Variants in GPATCH8 observed in about 807,000 individuals in gnomAD.
The protein encoded by GPATCH8 is G-patch domain containing 8.
A neutral mutation model predicts 118.3 loss-of-function variants in GPATCH8; 18 were observed. That is an observed-to-expected ratio of 0.15 (90% confidence interval 0.11 to 0.23). The LOEUF (loss-of-function observed/expected upper bound fraction) is 0.23, where lower values mean the gene tolerates loss of function less well. Among genes scored for constraint, GPATCH8 ranks in the 10% least tolerant of loss-of-function variants. The probability of loss-of-function intolerance (pLI) is 1.00; values close to 1 mark genes in which losing one functional copy is unlikely to be tolerated. For synonymous variants in GPATCH8, 659 were observed against 684.7 expected (o/e 0.96, Z 0.59); for missense variants, 1,631 against 1,873.8 (o/e 0.87, Z 2.39).
Position 44,398,895 on chromosome 17 carries a change from G to C in GPATCH8, c.3182C>G (p.Thr1061Arg). The C allele has an allele frequency of 6.2e-7, 1 of 1,614,086 alleles. No individual in the cohort carries two copies. The highest frequency in any genetic ancestry group is 8.5e-7 in the Non-Finnish European group (1 of 1,179,940). Reference sequence around the variant, plus strand: ...GTTGCTGTTCTGGGAAGGTGGACCTGTTGCTTTACTGTCATCTCCTCTGCC... The same window carrying C: ...GTTGCTGTTCTGGGAAGGTGGACCTCTTGCTTTACTGTCATCTCCTCTGCC... ...DDGRGDDSKA[T>R]GPPSQNSNIG... Residue 1061 changes from threonine (T) to arginine (R), a missense_variant, in exon 8 of 8, where the codon ACA becomes AGA. By Grantham distance (71) the Thr-to-Arg change is moderately conservative. This residue lies in a region of GPATCH8 where 922 missense variants were observed against 879.7 expected (regional missense o/e 1.05). Transcript: ENST00000591680.
rs555833739 is a variant in GPATCH8 at position 44,491,468 on chromosome 17, C to T, written c.45+11858G>A. Among the ~76,000 whole-genome samples, 7 of 127,506 alleles carry T rather than the reference C, an allele frequency of 5.5e-5. No homozygotes were observed. The South Asian group carries it at 1.4e-3, about 26-fold the overall frequency. 83.6% of individuals were successfully genotyped at this position (127,506 alleles called of 152,430 possible). On this transcript the variant is annotated intron_variant, in intron 1 of 7. Transcript: ENST00000591680. ...GCGCCACTGCACTCCAGCCTGGTGA[C>T]AGAGCGAGACTCCGTCTCAAAAAAA...
chr17:44,431,647 C>G (rs576664037), intron 5 of GPATCH8, among the ~76,000 whole-genome samples: 1 of 151,814 alleles, frequency 6.6e-6, no homozygotes, highest in Non-Finnish European at 1.5e-5. Flanking sequence ...AGACTATATA[C>G]AAGTAAAACT....
chr17:44,410,623 G>A (rs1248816219), intron 6 of GPATCH8, among the ~76,000 whole-genome samples: 1 of 152,130 alleles, frequency 6.6e-6, no homozygotes. Flanking sequence ...CACATTTTTA[G>A]TTGGGAAATA....
intron 5 of GPATCH8, among the ~76,000 whole-genome samples, chr17:44,429,354 G>A (rs1281933587): frequency 6.6e-6 from 1 of 152,060 alleles, no homozygotes; most frequent in Non-Finnish European, 1.5e-5. Context: ...AGAGGCTAAA[G>A]TATATTGCTT....
chr17:44,495,563 G>A (rs903204618), intron 1 of GPATCH8, among the ~76,000 whole-genome samples: 9 of 152,054 alleles, frequency 5.9e-5, no homozygotes, highest in African/African-American at 1.4e-4. Flanking sequence ...CAAACTACCC[G>A]CACAGAAATA....
chr17:44,487,772 A>C (rs1448859018), intron 1 of GPATCH8, among the ~76,000 whole-genome samples: 1 of 152,184 alleles, frequency 6.6e-6, no homozygotes, highest in Non-Finnish European at 1.5e-5. Context: ...CATTGTGATG[A>C]GACTACATTT....
At chr17:44,492,394 A>C (rs1393660303) in intron 1 of GPATCH8, among the ~76,000 whole-genome samples, 2 of 147,436 alleles carry the variant, frequency 1.4e-5, no homozygotes, top group East Asian at 3.9e-4. Flanking sequence ...TGGCTAACAC[A>C]GTGAAACCCT....
intron 2 of GPATCH8, chr17:44,465,854 T>C (rs1378007447): frequency 6.6e-6 from 1 of 152,218 alleles, no homozygotes; most frequent in Non-Finnish European, 1.5e-5. Context: ...GAAAAACATT[T>C]TTTTACTGTT....
At position 44,399,855 on chromosome 17, in the gene GPATCH8, G is replaced by T. The variant is rs1435639394; in HGVS notation, c.2222C>A (p.Pro741His). 1 of 1,613,600 alleles carries T rather than the reference G, an allele frequency of 6.2e-7. No individual in the cohort carries two copies. The highest frequency in any genetic ancestry group is 1.3e-5 in the African/African-American group (1 of 74,760). ...TCTCCGCCTTCTTCTTGGTGGTGCG[G>T]GACTGCCACTCCCAGGGGGTTCTGG... is the stretch of plus-strand genomic sequence containing the variant. ...PKPEPPGSGS[P>H]APPRRRRRAQ... The change falls in exon 8 of 8, where the codon CCC becomes CAC. Residue 741 changes from proline (P) to histidine (H), a missense_variant. Around this residue, in one of 8 missense-constraint regions of GPATCH8, gnomAD observed 922 missense variants for 879.7 expected, o/e 1.05. Coordinates refer to ENST00000591680, the MANE Select transcript of GPATCH8 (RefSeq NM_001002909.4).
At position 44,396,431 on chromosome 17, in the gene GPATCH8, A is replaced by G. The variant is rs767163653; in HGVS notation, c.*1137T>C. Reference sequence around the variant, plus strand: ...GCTCAAAAATCCCAATACTGGGGGCACTACATACTGCAAATTACTTAACAT... The same window carrying G: ...GCTCAAAAATCCCAATACTGGGGGCGCTACATACTGCAAATTACTTAACAT... On this transcript the variant is annotated 3_prime_UTR_variant, in exon 8 of 8. Coordinates refer to ENST00000591680, the MANE Select transcript of GPATCH8 (RefSeq NM_001002909.4). The G allele has an allele frequency of 1.1e-5, 5 of 454,436 alleles. No homozygotes were observed. Among genetic ancestry groups the G allele is most frequent in the Middle Eastern group, 6.9e-4 (1 of 1,444 alleles). The allele number at this position is 454,436 out of a possible 1,614,324, so 28.2% of individuals were successfully genotyped here.
chr17:44,486,463 C>T (rs1968788873), intron 1 of GPATCH8: 1 of 152,120 alleles, frequency 6.6e-6, no homozygotes, highest in Non-Finnish European at 1.5e-5. Flanking sequence ...TTAGACTGAG[C>T]TCATAGGGAG....
Position 44,400,924 on chromosome 17 carries a change from C to T in GPATCH8, c.1153G>A (p.Gly385Arg). ...TACTCAGGCTCTGTAGCCCCAGCTC[C>T]TTCTTCTCGTTTCATCCTTTTTAAT... ...SKLKRMKREE[G>R]AGATEPEYYH... Residue 385 changes from glycine to arginine, a missense_variant, in exon 8 of 8, where the codon GGA (glycine) becomes AGA (arginine). Around this residue, in one of 8 missense-constraint regions of GPATCH8, gnomAD observed 405 missense variants for 462.7 expected, o/e 0.88. Coordinates refer to ENST00000591680, the MANE Select transcript of GPATCH8 (RefSeq NM_001002909.4). 6.2e-7 allele frequency: 1 copy of T among 1,614,154 alleles called. No individual in the cohort carries two copies. The highest frequency in any genetic ancestry group is 8.5e-7 in the Non-Finnish European group (1 of 1,180,014).
rs557182307 is a variant in GPATCH8, at chr17:44,395,911, C to T, written c.*1657G>A. 1.1e-5 allele frequency: 5 copies of T among 454,126 alleles called. No homozygotes were observed. Among genetic ancestry groups the T allele is most frequent in the South Asian group, 6.2e-5 (4 of 64,478 alleles). 28.1% of individuals were successfully genotyped at this position (454,126 alleles called of 1,614,324 possible). A position where few individuals can be genotyped will look rare whatever the true frequency, so the allele number is the denominator to read the frequency against. On this transcript the variant is annotated 3_prime_UTR_variant, in exon 8 of 8. Coordinates refer to ENST00000591680, the MANE Select transcript of GPATCH8 (RefSeq NM_001002909.4). ...TCAGTGTGTTAATTAGGGCTGAGAG[C>T]CTGGGTGAAAGGCAAGAAGAGGGGC... is the stretch of plus-strand genomic sequence containing the variant.
rs1598594926 is a variant in GPATCH8, at chr17:44,475,256, T to C, written c.46-353A>G. 3.3e-5 allele frequency among the ~76,000 whole-genome samples: 5 copies of C among 151,950 alleles called. No individual in the cohort carries two copies. The South Asian group carries it at 8.3e-4, about 25-fold the overall frequency. The stretch of plus-strand genomic sequence containing the variant: ...TTAGCTGGCTGTGGTGGTGTGCACC[T>C]GTAGTCCCAGCTACTCAGGAGGCTG... On this transcript the variant is annotated intron_variant, in intron 1 of 7. Coordinates refer to ENST00000591680, the MANE Select transcript of GPATCH8 (RefSeq NM_001002909.4).
rs766963737 is a variant in GPATCH8 at position 44,398,775 on chromosome 17, T to C, written c.3302A>G (p.Lys1101Arg). Reference protein sequence around the residue: ...KLLLEKIQSRKVERKPSVSEE... With the variant: ...KLLLEKIQSRRVERKPSVSEE... ...ACTCACACTAGGTTTCCTCTCCACTTTCCTTGACTGGATCTTCTCCAGTAG... is the reference window on the plus strand; with the variant it reads ...ACTCACACTAGGTTTCCTCTCCACTCTCCTTGACTGGATCTTCTCCAGTAG... The change falls in exon 8 of 8, where the codon AAA becomes AGA. Residue 1101 changes from lysine to arginine, a missense_variant. Coordinates refer to ENST00000591680, the MANE Select transcript of GPATCH8 (RefSeq NM_001002909.4). 6.2e-7 allele frequency: 1 copy of C among 1,613,888 alleles called. No homozygotes were observed. Among genetic ancestry groups the C allele is most frequent in the South Asian group, 1.1e-5 (1 of 91,076 alleles).
chr17:44,396,870 C>T lies in GPATCH8; in HGVS notation c.*698G>A, dbSNP rs893247991. The T allele has an allele frequency of 8.8e-6, 4 of 454,216 alleles. No homozygotes were observed. Among genetic ancestry groups the T allele is most frequent in the Non-Finnish European group, 1.8e-5 (4 of 226,800 alleles). The allele number at this position is 454,216 out of a possible 1,614,324, so 28.1% of individuals were successfully genotyped here. On this transcript the variant is annotated 3_prime_UTR_variant, in exon 8 of 8. Coordinates refer to ENST00000591680, the MANE Select transcript of GPATCH8 (RefSeq NM_001002909.4). ...CACATGAGCTCCTCTCTGGGCCATA[C>T]AGCTTTTATTCATGATAGGATCTTC...
intron 6 of GPATCH8, among the ~76,000 whole-genome samples, chr17:44,410,507 G>A (rs1267811274): frequency 6.6e-6 from 1 of 152,172 alleles, no homozygotes; most frequent in Admixed American, 6.5e-5. Flanking sequence ...GCTATGAGAT[G>A]TCCTTATCTC....
chr17:44,407,659 T>A (rs1238885651), intron 6 of GPATCH8, among the ~76,000 whole-genome samples: 1 of 44,876 alleles, frequency 2.2e-5, no homozygotes, highest in African/African-American at 4.6e-5. Flanking sequence ...TAATTAAGAT[T>A]TTTTTTTTTT....
rs749128450 is a variant in GPATCH8 at position 44,397,942 on chromosome 17, T to C, written c.4135A>G (p.Ile1379Val). The C allele has an allele frequency of 4.3e-6, 7 of 1,613,428 alleles. No homozygotes were observed. The highest frequency in any genetic ancestry group is 5.1e-6 in the Non-Finnish European group (6 of 1,179,430). The change falls in exon 8 of 8, where the codon ATC (isoleucine) becomes GTC (valine). Residue 1379 changes from isoleucine (I) to valine (V), a missense_variant. Ile to Val is a conservative substitution (Grantham distance 29). Transcript: ENST00000591680. ...ATSITTVQHAILQHHAAAAAA... is the reference protein window; with the variant it reads ...ATSITTVQHAVLQHHAAAAAA... ...GCTGCGGCAGCATGATGTTGTAGGATGGCATGCTGAACAGTTGTGATGGAG... is the reference window on the plus strand; with the variant it reads ...GCTGCGGCAGCATGATGTTGTAGGACGGCATGCTGAACAGTTGTGATGGAG...
Sources: gnomAD v4.1 joint callset for allele counts (sites outside exome capture counted in the v4.1 genomes callset) on GRCh38, gnomAD v4.1.1 for gene constraint, gnomAD v4.1.1 regional missense constraint, MANE v1.5 for transcripts, NCBI Gene and HGNC (gene_info 2026-07-23, HGNC 2026-07-21) for gene names.